CPPED1: variants seen among roughly 807,000 people sequenced by gnomAD.
The protein encoded by CPPED1 is calcineurin like phosphoesterase domain containing 1.
In CPPED1, 28 loss-of-function variants were observed where a neutral mutation model predicts 28.0. That is an observed-to-expected ratio of 1.00 (90% confidence interval 0.74 to 1.37). The LOEUF (loss-of-function observed/expected upper bound fraction) is 1.37, where lower values mean the gene tolerates loss of function less well. Among genes scored for constraint, CPPED1 ranks in the 40% most tolerant of loss-of-function variants. The pLI is 0.00. For missense variants in CPPED1, 504 were observed against 416.5 expected (o/e 1.21, Z -1.83); for synonymous variants, 198 against 180.2 (o/e 1.10, Z -0.79).
intron 3 of CPPED1, among the ~76,000 whole-genome samples, chr16:12,671,853 C>T (rs1031093281): frequency 1.3e-5 from 2 of 152,200 alleles, no homozygotes; most frequent in Non-Finnish European, 2.9e-5. Flanking sequence ...ACTGTACCTT[C>T]TCTATGTCTA....
intron 2 of CPPED1, among the ~76,000 whole-genome samples, chr16:12,723,355 A>T (rs2080152413): frequency 6.6e-6 from 1 of 152,032 alleles, no homozygotes; most frequent in Non-Finnish European, 1.5e-5. Flanking sequence ...TGAAGTCCTG[A>T]CCCCAGTACC....
In CPPED1 at chr16:12,781,350, G is replaced by A. The variant is rs764637891; in HGVS notation, c.124C>T (p.Gln42Ter). The change falls in exon 2 of 4, where the codon CAG becomes TAG. Residue 42 changes from glutamine (Q) to a stop codon, truncating the protein, a stop_gained. Transcript: ENST00000381774. LOFTEE classifies it high-confidence loss of function. ...GACCAGGCCTTGATCAGCCCAAACT[G>A]TGGGTCTGCGCCCAGGATGAAGTAG... The part of the protein sequence containing the change: ...PFYFILGADP[Q>*]FGLIKAWSTG... 1.2e-6 allele frequency: 2 copies of A among 1,614,158 alleles called. No homozygotes were observed. The highest frequency in any genetic ancestry group is 3.3e-5 in the Admixed American group (2 of 60,012).
chr16:12,786,920 GA>G (rs766769675), intron 1 of CPPED1, among the ~76,000 whole-genome samples: 2 of 152,148 alleles, frequency 1.3e-5, no homozygotes, highest in Non-Finnish European at 2.9e-5. Context: ...TCAAAAGTAA[GA>G]AGTTAATCAG....
At chr16:12,796,552 T>A (rs2080628812) in intron 1 of CPPED1, among the ~76,000 whole-genome samples, 1 of 152,066 alleles carries the variant, frequency 6.6e-6, no homozygotes, top group Non-Finnish European at 1.5e-5. Flanking sequence ...TTTGGATGGT[T>A]ATAATAAAAA....
intron 3 of CPPED1, among the ~76,000 whole-genome samples, chr16:12,699,282 A>C (rs11861627): frequency 0.19 from 29,187 of 152,090 alleles, 2,888 homozygotes; most frequent in East Asian, 0.35. Flanking sequence ...ATCTGTCCTG[A>C]CCTGATAACT....
intron 2 of CPPED1, among the ~76,000 whole-genome samples, chr16:12,767,199 A>T (rs1277786100): frequency 1.3e-5 from 2 of 152,078 alleles, no homozygotes; most frequent in African/African-American, 4.8e-5. Flanking sequence ...AATCAGAGAA[A>T]CTGATGGTGT....
At chr16:12,724,241 C>G (rs991042890) in intron 2 of CPPED1, among the ~76,000 whole-genome samples, 4 of 152,156 alleles carry the variant, frequency 2.6e-5, no homozygotes, top group African/African-American at 9.7e-5. Context: ...CTCACAGACT[C>G]TGGGGGTCCC....
chr16:12,756,339 G>A (rs1178516206), intron 2 of CPPED1, among the ~76,000 whole-genome samples: 1 of 152,162 alleles, frequency 6.6e-6, no homozygotes, highest in Non-Finnish European at 1.5e-5. Context: ...CTGCAACAAT[G>A]CTGCATCTCA....
At chr16:12,711,030 A>G (rs1170096785) in intron 2 of CPPED1, among the ~76,000 whole-genome samples, 1 of 152,222 alleles carries the variant, frequency 6.6e-6, no homozygotes, top group African/African-American at 2.4e-5. Flanking sequence ...AGATGTTTGT[A>G]CACCTATGCT....
At chr16:12,677,323 T>C (rs1307613009) in intron 3 of CPPED1, among the ~76,000 whole-genome samples, 14 of 152,164 alleles carry the variant, frequency 9.2e-5, no homozygotes, top group Admixed American at 5.9e-4. Flanking sequence ...ATAGACTGGC[T>C]GAAATGGAAT....
rs191139360 is a variant in CPPED1 at position 12,787,554 on chromosome 16, G to C, written c.71-6151C>G. Among the ~76,000 whole-genome samples the C allele has an allele frequency of 7.4e-4, 113 of 151,932 alleles. 4 individuals carry two copies. The East Asian group carries it at 0.015, about 20-fold the overall frequency. On this transcript the variant is annotated intron_variant, in intron 1 of 3. Transcript: ENST00000381774. ...TGAGCAGCTGGGATTATACAGGCATGTGCCACCACACCTGGCTCATTTTTG... is the reference window on the plus strand; with the variant it reads ...TGAGCAGCTGGGATTATACAGGCATCTGCCACCACACCTGGCTCATTTTTG...
At chr16:12,676,070 TTCG>T (rs1445055813) in intron 3 of CPPED1, among the ~76,000 whole-genome samples, 2 of 152,200 alleles carry the variant, frequency 1.3e-5, no homozygotes, top group African/African-American at 2.4e-5. Context: ...TTCTTCACTT[TTCG>T]TCGTCAATTG....
intron 3 of CPPED1, among the ~76,000 whole-genome samples, chr16:12,680,969 C>T (rs150234827): frequency 1.1e-4 from 16 of 152,212 alleles, no homozygotes; most frequent in African/African-American, 3.9e-4. Context: ...GGATTCATAG[C>T]CTCCTCTTGA....
intron 2 of CPPED1, among the ~76,000 whole-genome samples, chr16:12,725,531 T>A (rs1230178006): frequency 1.3e-5 from 2 of 152,038 alleles, no homozygotes; most frequent in Non-Finnish European, 2.9e-5. Context: ...CATTTACGGA[T>A]GAGAAAACTG....
chr16:12,745,919 C>T (rs563798817), intron 2 of CPPED1: 31 of 151,708 alleles, frequency 2.0e-4, no homozygotes, highest in African/African-American at 6.0e-4. Context: ...TTAAAACCAA[C>T]GATAAAGAGA....
intron 2 of CPPED1, among the ~76,000 whole-genome samples, chr16:12,777,903 C>CTTTTTTTT (rs67527035): frequency 2.6e-4 from 33 of 126,580 alleles, no homozygotes; most frequent in African/African-American, 3.4e-4. Flanking sequence ...TTTCTATTTT[C>CTTTTTTTT]TTTTTTTTTT....
chr16:12,689,321 G>A (rs1265457406), intron 3 of CPPED1, among the ~76,000 whole-genome samples: 1 of 148,642 alleles, frequency 6.7e-6, no homozygotes, highest in African/African-American at 2.5e-5. Flanking sequence ...CGAATTTATG[G>A]GCTCAAGAGA....
chr16:12,751,514 T>G (rs1188208264), intron 2 of CPPED1, among the ~76,000 whole-genome samples: 1 of 152,176 alleles, frequency 6.6e-6, no homozygotes, highest in Non-Finnish European at 1.5e-5. Flanking sequence ...AATACAGATG[T>G]GATGGCTGCA....
At chr16:12,732,044 T>C (rs1449177883) in intron 2 of CPPED1, among the ~76,000 whole-genome samples, 2 of 151,672 alleles carry the variant, frequency 1.3e-5, no homozygotes, top group Admixed American at 6.6e-5. Flanking sequence ...ACGCCTGTAA[T>C]CCCAGCTACT....
Sources: allele counts gnomAD v4.1 joint callset (sites outside exome capture counted in the v4.1 genomes callset), GRCh38; gene constraint gnomAD v4.1.1; transcripts MANE v1.5; gene names NCBI Gene and HGNC (gene_info 2026-07-23, HGNC 2026-07-21).